The following TSGA10 variants were observed in gnomAD, a reference collection of about 807,000 sequenced individuals.
TSGA10 encodes testis-specific gene 10 protein.
TSGA10 carries 43 observed loss-of-function variants against 96.6 expected under a neutral mutation model. The ratio of observed to expected loss-of-function variants is 0.44; its 90% CI spans 0.35 to 0.57. TSGA10 has a LOEUF of 0.57. Among genes scored for constraint, TSGA10 ranks in the 20% least tolerant of loss-of-function variants. The probability of loss-of-function intolerance (pLI) is 0.01; values close to 1 mark genes in which losing one functional copy is unlikely to be tolerated. For missense variants in TSGA10, 703 were observed against 834.4 expected, an observed-to-expected ratio of 0.84 and a Z score of 1.94; for synonymous variants, 229 against 269.9, an observed-to-expected ratio of 0.85 and a Z score of 1.48.
chr2:98,999,915 ATT>A (rs774984246), intron 20 of TSGA10, among the ~76,000 whole-genome samples: 39 of 152,032 alleles, frequency 2.6e-4, no homozygotes, highest in Middle Eastern at 3.4e-3. Flanking sequence ...TATCTGGCTA[ATT>A]TTTTTTGTGT....
intron 1 of TSGA10, among the ~76,000 whole-genome samples, chr2:99,138,319 C>T (rs1295682229): frequency 6.6e-6 from 1 of 152,146 alleles, no homozygotes; most frequent in East Asian, 1.9e-4. Context: ...AAGTGATAAG[C>T]TATTTGCACT....
chr2:99,095,524 A>C (rs1338808070), intron 10 of TSGA10, among the ~76,000 whole-genome samples: 1 of 152,198 alleles, frequency 6.6e-6, no homozygotes, highest in African/African-American at 2.4e-5. Context: ...AGATACAAAA[A>C]AGTATATACT....
At chr2:99,003,677 A>G (rs1426961639) in intron 20 of TSGA10, among the ~76,000 whole-genome samples, 1 of 152,208 alleles carries the variant, frequency 6.6e-6, no homozygotes, top group East Asian at 1.9e-4. Flanking sequence ...ACTACATGGA[A>G]AGTGAACAAC....
At chr2:99,029,957 TG>T (rs2080985108) in intron 17 of TSGA10, among the ~76,000 whole-genome samples, 1 of 152,252 alleles carries the variant, frequency 6.6e-6, no homozygotes. Context: ...ATATAGTGGT[TG>T]TTTACCTAGA....
chr2:99,033,887 C>T (rs576089045), intron 17 of TSGA10, among the ~76,000 whole-genome samples: 1 of 152,182 alleles, frequency 6.6e-6, no homozygotes, highest in South Asian at 2.1e-4. Context: ...CGAGTGAACA[C>T]TGGGATTTTT....
intron 1 of TSGA10, among the ~76,000 whole-genome samples, chr2:99,144,273 G>T (rs577934284): frequency 1.3e-5 from 2 of 151,524 alleles, no homozygotes; most frequent in African/African-American, 4.9e-5. Flanking sequence ...TGCCCGCCTC[G>T]GCCTCCCAAA....
At chr2:99,025,919 C>A in intron 17 of TSGA10, among the ~76,000 whole-genome samples, 1 of 152,118 alleles carries the variant, frequency 6.6e-6, no homozygotes, top group East Asian at 1.9e-4. Context: ...CTTCTTTTAT[C>A]AATCCCTAAC....
chr2:99,023,715 A>G (rs779432707), intron 17 of TSGA10, among the ~76,000 whole-genome samples: 4 of 152,196 alleles, frequency 2.6e-5, no homozygotes, highest in Non-Finnish European at 5.9e-5. Context: ...AAATGTATAA[A>G]CCATTTCTGG....
intron 16 of TSGA10, among the ~76,000 whole-genome samples, chr2:99,059,480 C>T (rs1268929677): frequency 6.7e-6 from 1 of 149,966 alleles, no homozygotes; most frequent in Admixed American, 6.7e-5. Flanking sequence ...ATTAAAAATA[C>T]AAAAAAAAAT....
chr2:99,102,743 A>G, intron 10 of TSGA10: 1 of 1,606,250 alleles, frequency 6.2e-7, no homozygotes, highest in Non-Finnish European at 8.5e-7. Flanking sequence ...ATGATACCAC[A>G]CATGGTTAAT....
At chr2:99,012,147 CACT>C (rs1171421815) in intron 20 of TSGA10, among the ~76,000 whole-genome samples, 1 of 152,122 alleles carries the variant, frequency 6.6e-6, no homozygotes, top group African/African-American at 2.4e-5. Flanking sequence ...ACTAAACCAG[CACT>C]ACAAGAACTG....
chr2:99,037,287 C>A (rs1021264650), intron 16 of TSGA10, among the ~76,000 whole-genome samples: 1 of 152,126 alleles, frequency 6.6e-6, no homozygotes, highest in Non-Finnish European at 1.5e-5. Context: ...AAAAATCATA[C>A]AAAGTATACT....
intron 1 of TSGA10, among the ~76,000 whole-genome samples, chr2:99,138,083 C>A (rs1167125307): frequency 6.6e-6 from 1 of 152,174 alleles, no homozygotes; most frequent in Non-Finnish European, 1.5e-5. Flanking sequence ...AATTAAATTT[C>A]TGTTGCTTAT....
At chr2:99,133,627 T>C (rs1200298731) in intron 1 of TSGA10, among the ~76,000 whole-genome samples, 1 of 152,218 alleles carries the variant, frequency 6.6e-6, no homozygotes, top group Non-Finnish European at 1.5e-5. Flanking sequence ...ATCCTGTCAT[T>C]ATGATGCCAG....
At chr2:99,007,944 G>A (rs979798995) in intron 20 of TSGA10, among the ~76,000 whole-genome samples, 1 of 152,168 alleles carries the variant, frequency 6.6e-6, no homozygotes, top group Admixed American at 6.5e-5. Flanking sequence ...AGTCCAAAAA[G>A]AGATCTGAAT....
chr2:99,052,842 G>A (rs2083547171), intron 16 of TSGA10, among the ~76,000 whole-genome samples: 1 of 152,120 alleles, frequency 6.6e-6, no homozygotes, highest in African/African-American at 2.4e-5. Context: ...GCTGAGGCAG[G>A]TGGATCACCT....
chr2:99,144,949 G>C (rs181047057), intron 1 of TSGA10, among the ~76,000 whole-genome samples: 2 of 152,312 alleles, frequency 1.3e-5, no homozygotes, highest in East Asian at 3.9e-4. Flanking sequence ...TGCTAGTAGA[G>C]TTGTTTGCTA....
intron 17 of TSGA10, among the ~76,000 whole-genome samples, chr2:99,022,170 T>C (rs1019766573): frequency 6.6e-6 from 1 of 151,320 alleles, no homozygotes; most frequent in South Asian, 2.1e-4. Context: ...TACAAAAAAT[T>C]CAAAAACTTA....
chr2:99,109,703 T>C (rs947514056), intron 5 of TSGA10, 191 bp from the exon 6 acceptor site: 1 of 322,856 alleles, frequency 3.1e-6, no homozygotes. Context: ...ATATCAGTAA[T>C]TTTTAAAAAG....
Sources: allele counts gnomAD v4.1 joint callset (sites outside exome capture counted in the v4.1 genomes callset), GRCh38; gene constraint gnomAD v4.1.1; transcripts MANE v1.5; gene names NCBI Gene and HGNC (gene_info 2026-07-23, HGNC 2026-07-21).